The following PVT1 variants were observed in gnomAD, a reference collection of about 807,000 sequenced individuals.
The protein encoded by PVT1 is CXCR4/PVT1 fusion.
intron 4 of PVT1, among the ~76,000 whole-genome samples, chr8:128,060,375 C>T (rs1813816334): frequency 6.6e-6 from 1 of 152,210 alleles, no homozygotes; most frequent in Non-Finnish European, 1.5e-5. Flanking sequence ...GCCAGACACA[C>T]AGAGGCATTC....
At chr8:127,825,544 C>T (rs1236211917) in intron 2 of PVT1, among the ~76,000 whole-genome samples, 1 of 152,140 alleles carries the variant, frequency 6.6e-6, no homozygotes, top group Non-Finnish European at 1.5e-5. Context: ...TGAAGGGGCA[C>T]AGCTTTGAAG....
In PVT1 at chr8:127,970,289, G is replaced by GTTTTTTTTTTTTTTTTTTTTTTTTT. The variant is rs68010926; in HGVS notation, n.783-18871_783-18847dup. ...CATTCCTCTCCATCTGCCATGATTT[G>GTTTTTTTTTTTTTTTTTTTTTTTTT]TTTTTTTTTTTTTTTTTTTTTTTTT... is the stretch of plus-strand genomic sequence containing the variant. On this transcript the variant is annotated intron_variant and non_coding_transcript_variant, in intron 3 of 10. Transcript: ENST00000651587. Among the ~76,000 whole-genome samples the GTTTTTTTTTTTTTTTTTTTTTTTTT allele has an allele frequency of 4.1e-5, 2 of 49,116 alleles. 1 individual carries two copies. Among genetic ancestry groups the GTTTTTTTTTTTTTTTTTTTTTTTTT allele is most frequent in the Non-Finnish European group, 7.2e-5 (2 of 27,928 alleles). The allele number at this position is 49,116 out of a possible 152,430, so 32.2% of individuals were successfully genotyped here. A position where few individuals can be genotyped will look rare whatever the true frequency, so the allele number is the denominator to read the frequency against.
At chr8:127,927,931 A>C (rs7835090) in intron 3 of PVT1, among the ~76,000 whole-genome samples, 49,378 of 152,144 alleles carry the variant, frequency 0.32, 8,304 homozygotes, top group Middle Eastern at 0.42. Context: ...TAAATACTTT[A>C]CAAAAATTCT....
intron 2 of PVT1, among the ~76,000 whole-genome samples, chr8:127,832,340 C>T (rs77593707): frequency 0.034 from 5,117 of 152,242 alleles, 233 homozygotes; most frequent in East Asian, 0.15. Context: ...TGATCATGAC[C>T]TTCTCTTCCT....
At chr8:127,948,545 C>G (rs1219630502) in intron 3 of PVT1, 3 of 154,472 alleles carry the variant, frequency 1.9e-5, no homozygotes, top group South Asian at 2.0e-4. Context: ...CCTACTCACC[C>G]ATACCTCAGA....
At chr8:127,972,133 T>C (rs1391018570) in intron 3 of PVT1, among the ~76,000 whole-genome samples, 1 of 152,230 alleles carries the variant, frequency 6.6e-6, no homozygotes, top group Non-Finnish European at 1.5e-5. Flanking sequence ...AGTGTTGGGA[T>C]GGCAGCAGCA....
At chr8:127,814,825 CACTT>C (rs1386071840) in intron 2 of PVT1, among the ~76,000 whole-genome samples, 1 of 152,180 alleles carries the variant, frequency 6.6e-6, no homozygotes, top group Non-Finnish European at 1.5e-5. Context: ...ACTCATTAAA[CACTT>C]ACTCTCCTCT....
intron 2 of PVT1, among the ~76,000 whole-genome samples, chr8:127,841,545 G>A (rs1334022095): frequency 6.6e-6 from 1 of 152,102 alleles, no homozygotes; most frequent in African/African-American, 2.4e-5. Context: ...ATAGGCGTGA[G>A]CCACCACATG....
chr8:127,837,881 G>A (rs965620322), intron 2 of PVT1, among the ~76,000 whole-genome samples: 1 of 151,970 alleles, frequency 6.6e-6, no homozygotes, highest in Non-Finnish European at 1.5e-5. Context: ...AGCTCTAAAG[G>A]GGTGTGATTA....
At chr8:128,087,747 C>CTTTTTTTTTTTTTTTTTTTTTTTTT (rs71568675) in intron 5 of PVT1, among the ~76,000 whole-genome samples, 5 of 76,588 alleles carry the variant, frequency 6.5e-5, no homozygotes, top group African/African-American at 2.4e-4. Flanking sequence ...TGATGTGCTA[C>CTTTTTTTTTTTTTTTTTTTTTTTTT]TTTTTTTTTT....
intron 3 of PVT1, among the ~76,000 whole-genome samples, chr8:127,978,703 C>G (rs1482158405): frequency 1.3e-5 from 2 of 152,242 alleles, no homozygotes; most frequent in Non-Finnish European, 1.5e-5. Flanking sequence ...CCAGGCTGGT[C>G]TAGAACTCGT....
intron 4 of PVT1, among the ~76,000 whole-genome samples, chr8:128,021,304 T>TTTTTTTTTG (rs1817431972): frequency 1.4e-5 from 2 of 143,640 alleles, no homozygotes. Context: ...TTTTTTTTTT[T>TTTTTTTTTG]TTTTTTTGAG....
At chr8:127,921,585 G>C (rs370452558) in intron 3 of PVT1, among the ~76,000 whole-genome samples, 2 of 152,124 alleles carry the variant, frequency 1.3e-5, no homozygotes, top group East Asian at 1.9e-4. Context: ...GCCGAGGAGG[G>C]AGGATCATTT....
intron 4 of PVT1, among the ~76,000 whole-genome samples, chr8:128,029,871 G>C (rs1199516492): frequency 1.3e-5 from 2 of 152,242 alleles, no homozygotes; most frequent in African/African-American, 4.8e-5. Flanking sequence ...CATTTTGGGA[G>C]GTTGAGATGG....
intron 2 of PVT1, among the ~76,000 whole-genome samples, chr8:127,840,294 TGAG>T (rs1020132262): frequency 6.6e-6 from 1 of 152,188 alleles, no homozygotes; most frequent in African/African-American, 2.4e-5. Context: ...GGATGAGTGC[TGAG>T]GAGGAAAAGG....
chr8:127,874,912 GT>G (rs1815388760), intron 2 of PVT1, among the ~76,000 whole-genome samples: 1 of 151,478 alleles, frequency 6.6e-6, no homozygotes, highest in East Asian at 2.0e-4. Flanking sequence ...AGGTGTGTGT[GT>G]GTGTGTGTGT....
At chr8:127,882,854 A>G (rs1815483701) in intron 2 of PVT1, among the ~76,000 whole-genome samples, 1 of 152,090 alleles carries the variant, frequency 6.6e-6, no homozygotes, top group African/African-American at 2.4e-5. Context: ...TGTGAGACTG[A>G]TTTCTCACTT....
intron 3 of PVT1, among the ~76,000 whole-genome samples, chr8:127,930,708 C>G (rs1189814015): frequency 1.3e-5 from 2 of 152,088 alleles, no homozygotes; most frequent in Non-Finnish European, 2.9e-5. Flanking sequence ...CCTTCGTACC[C>G]CCTCACTGAC....
chr8:127,961,419 T>A (rs7004509), intron 3 of PVT1, among the ~76,000 whole-genome samples: 1 of 151,958 alleles, frequency 6.6e-6, no homozygotes, highest in East Asian at 1.9e-4. Flanking sequence ...TGTTCTTTTC[T>A]GTGTCCAGCT....
Sources: allele counts gnomAD v4.1 joint callset (sites outside exome capture counted in the v4.1 genomes callset), GRCh38; gene constraint gnomAD v4.1.1; transcripts MANE v1.5; gene names NCBI Gene and HGNC (gene_info 2026-07-23, HGNC 2026-07-21).